Variants in RCAN1 observed in about 807,000 individuals in gnomAD.
RCAN1 encodes the protein calcipressin-1.
In RCAN1, 11 loss-of-function variants were observed where a neutral mutation model predicts 22.9. That is an observed-to-expected ratio of 0.48 (90% CI 0.30 to 0.79). The LOEUF is 0.79. Ranked by LOEUF, RCAN1 falls within the 30% of genes least tolerant of loss-of-function variation. RCAN1 has a pLI of 0.06. For missense variants in RCAN1, 291 were observed against 337.8 expected (o/e 0.86, Z 1.09); for synonymous variants, 136 against 142.3 (o/e 0.96, Z 0.32).
At chr21:34,568,793 T>C (rs765775251) in intron 1 of RCAN1, among the ~76,000 whole-genome samples, 1 of 152,244 alleles carries the variant, frequency 6.6e-6, no homozygotes, top group Non-Finnish European at 1.5e-5. Flanking sequence ...TCTTCCTTTC[T>C]GCAAGATCTT....
intron 1 of RCAN1, among the ~76,000 whole-genome samples, chr21:34,531,595 G>A (rs958778758): frequency 6.6e-6 from 1 of 152,172 alleles, no homozygotes; most frequent in Non-Finnish European, 1.5e-5. Context: ...TGCTGACCAA[G>A]CTCGGTCACG....
chr21:34,594,457 C>T (rs950023724), intron 1 of RCAN1, among the ~76,000 whole-genome samples: 3 of 152,134 alleles, frequency 2.0e-5, no homozygotes, highest in Admixed American at 6.5e-5. Context: ...GAGGTTGGGA[C>T]AGGAGAATCG....
At chr21:34,602,546 G>A (rs1280404631) in intron 1 of RCAN1, among the ~76,000 whole-genome samples, 1 of 152,198 alleles carries the variant, frequency 6.6e-6, no homozygotes, top group Non-Finnish European at 1.5e-5. Context: ...TTGAGGGGCT[G>A]CACAGCAGTT....
chr21:34,574,833 T>C (rs1452636727), intron 1 of RCAN1, among the ~76,000 whole-genome samples: 2 of 152,212 alleles, frequency 1.3e-5, no homozygotes, highest in Admixed American at 6.5e-5. Context: ...AGAAGGAACG[T>C]AATCCTCACC....
intron 1 of RCAN1, among the ~76,000 whole-genome samples, chr21:34,526,404 C>T (rs113209107): frequency 6.6e-6 from 1 of 152,300 alleles, no homozygotes; most frequent in East Asian, 1.9e-4. Context: ...GAAAAACACA[C>T]GATGCCCCAA....
At chr21:34,568,557 A>G (rs1987117782) in intron 1 of RCAN1, among the ~76,000 whole-genome samples, 1 of 152,170 alleles carries the variant, frequency 6.6e-6, no homozygotes, top group African/African-American at 2.4e-5. Flanking sequence ...CAGCAGAATG[A>G]GCTCTTAGAG....
At position 34,577,196 on chromosome 21, in the gene RCAN1, C is replaced by A. The variant is rs184839306; in HGVS notation, c.252+37564G>T. On this transcript the variant is annotated intron_variant, in intron 1 of 3. Transcript: ENST00000313806. Reference sequence around the variant, plus strand: ...GACACAACAGGGTCCAAATGAGAGGCCTTATTCACAAAGTAAGGATTTTGA... The same window carrying A: ...GACACAACAGGGTCCAAATGAGAGGACTTATTCACAAAGTAAGGATTTTGA... Among the ~76,000 whole-genome samples, 4 of 152,166 alleles carry A rather than the reference C, an allele frequency of 2.6e-5. No individual in the cohort carries two copies. The South Asian group carries it at 6.2e-4, about 24-fold the overall frequency.
At chr21:34,555,740 A>G (rs1986538046) in intron 1 of RCAN1, among the ~76,000 whole-genome samples, 1 of 151,184 alleles carries the variant, frequency 6.6e-6, no homozygotes, top group African/African-American at 2.4e-5. Flanking sequence ...ACACTTGACA[A>G]CCTCCATAAT....
At chr21:34,604,979 G>A (rs1242853342) in intron 1 of RCAN1, among the ~76,000 whole-genome samples, 1 of 152,258 alleles carries the variant, frequency 6.6e-6, no homozygotes, top group African/African-American at 2.4e-5. Context: ...GGTGCCACCT[G>A]CCTGGCACGC....
chr21:34,530,105 T>C (rs1251039221), intron 1 of RCAN1, among the ~76,000 whole-genome samples: 3 of 152,222 alleles, frequency 2.0e-5, no homozygotes, highest in Non-Finnish European at 4.4e-5. Context: ...AACGGACTAA[T>C]ATAGTCTCAT....
chr21:34,536,409 T>C (rs1985674039), intron 1 of RCAN1, among the ~76,000 whole-genome samples: 1 of 152,014 alleles, frequency 6.6e-6, no homozygotes, highest in South Asian at 2.1e-4. Context: ...CACCCAGGAG[T>C]GGGCTGGCTG....
chr21:34,583,750 C>T (rs1295993299), intron 1 of RCAN1, among the ~76,000 whole-genome samples: 2 of 152,170 alleles, frequency 1.3e-5, no homozygotes, highest in African/African-American at 4.8e-5. Flanking sequence ...GCTGCCCTAG[C>T]ACACTGATAG....
chr21:34,517,055 T>C lies in RCAN1; in HGVS notation c.*1029A>G, dbSNP rs1295988347. ...AATACATCTTAGTCTCCCACTGCCA[T>C]ACTTTTCACCCAAGTGTACAACAGG... On this transcript the variant is annotated 3_prime_UTR_variant, in exon 4 of 4. Coordinates refer to ENST00000313806, the MANE Select transcript of RCAN1 (RefSeq NM_004414.7). The C allele has an allele frequency of 6.6e-6, 1 of 152,484 alleles. No individual in the cohort carries two copies. The allele number at this position is 152,484 out of a possible 1,614,324, so 9.4% of individuals were successfully genotyped here.
chr21:34,597,309 A>C (rs1988194366), intron 1 of RCAN1, among the ~76,000 whole-genome samples: 1 of 152,352 alleles, frequency 6.6e-6, no homozygotes, highest in East Asian at 1.9e-4. Context: ...TTAAAAGTTC[A>C]GTTCCTCAGT....
chr21:34,555,054 T>G (rs1248829835), intron 1 of RCAN1, among the ~76,000 whole-genome samples: 1 of 152,152 alleles, frequency 6.6e-6, no homozygotes, highest in East Asian at 1.9e-4. Flanking sequence ...CCAAACCATA[T>G]CAGAGGGAAT....
At position 34,562,630 on chromosome 21, in the gene RCAN1, A is replaced by G. The variant is rs1201403085; in HGVS notation, c.253-38920T>C. Among the ~76,000 whole-genome samples the G allele has an allele frequency of 2.0e-5, 3 of 152,172 alleles. No individual in the cohort carries two copies. The East Asian group carries it at 5.8e-4, about 29-fold the overall frequency. ...GGCAAATGCAAAAGTTAAATTCTCC[A>G]TTGTCAACGGTGGTATCAGGGCTCT... is the stretch of plus-strand genomic sequence containing the variant. On this transcript the variant is annotated intron_variant, in intron 1 of 3. Coordinates refer to ENST00000313806, the MANE Select transcript of RCAN1 (RefSeq NM_004414.7).
intron 1 of RCAN1, among the ~76,000 whole-genome samples, chr21:34,561,940 T>G (rs919933543): frequency 6.6e-6 from 1 of 152,302 alleles, no homozygotes; most frequent in South Asian, 2.1e-4. Flanking sequence ...CGAGATCCTA[T>G]CCCTTCTCAT....
chr21:34,575,109 G>A (rs537291159), intron 1 of RCAN1, among the ~76,000 whole-genome samples: 8 of 152,170 alleles, frequency 5.3e-5, no homozygotes, highest in Non-Finnish European at 8.8e-5. Flanking sequence ...AAATGTTTGC[G>A]AACAGCACCC....
chr21:34,543,941 G>T (rs564038601), intron 1 of RCAN1, among the ~76,000 whole-genome samples: 4 of 152,334 alleles, frequency 2.6e-5, no homozygotes, highest in Admixed American at 2.0e-4. Flanking sequence ...TGCCCACGAG[G>T]TACCAGTTAC....
Sources: gnomAD v4.1 joint callset for allele counts (sites outside exome capture counted in the v4.1 genomes callset) on GRCh38, gnomAD v4.1.1 for gene constraint, MANE v1.5 for transcripts, NCBI Gene and HGNC (gene_info 2026-07-23, HGNC 2026-07-21) for gene names.